NCOR2: variants seen among roughly 807,000 people sequenced by gnomAD.
NCOR2 encodes the protein nuclear receptor corepressor 2, also known as CTG repeat protein 26.
A neutral mutation model predicts 262.9 loss-of-function variants in NCOR2; 81 were observed. The observed-to-expected ratio is 0.31, with a 90% CI of 0.26 to 0.37. The LOEUF (loss-of-function observed/expected upper bound fraction) is 0.37, where lower values mean the gene tolerates loss of function less well. Ranked by LOEUF, NCOR2 falls within the 10% of genes least tolerant of loss-of-function variation. The pLI, the probability that NCOR2 is intolerant of heterozygous loss-of-function variation, is 1.00. For missense variants in NCOR2, 3,385 were observed against 3,621.4 expected (o/e 0.93, Z 1.68); for synonymous variants, 1,659 against 1,559.3 (o/e 1.06, Z -1.51).
intron 6 of NCOR2, among the ~76,000 whole-genome samples, chr12:124,452,436 C>T (rs1266440542): frequency 6.6e-6 from 1 of 152,218 alleles, no homozygotes; most frequent in East Asian, 1.9e-4. Flanking sequence ...TAGCTGTGAG[C>T]TTGGACAAGT....
chr12:124,475,739 TTC>T (rs1437724489), intron 3 of NCOR2, among the ~76,000 whole-genome samples: 2 of 152,226 alleles, frequency 1.3e-5, no homozygotes, highest in African/African-American at 4.8e-5. Flanking sequence ...GAAGTGGGAT[TTC>T]TGTTTGACGA....
At chr12:124,415,877 G>A (rs1203694010) in intron 13 of NCOR2, among the ~76,000 whole-genome samples, 3 of 152,040 alleles carry the variant, frequency 2.0e-5, no homozygotes, top group Admixed American at 2.0e-4. Flanking sequence ...CTCCTCCCCT[G>A]GTCTCACTGT....
rs771772331 is a variant in NCOR2, at chr12:124,406,862, T to C, written c.1483-4301A>G. Among the ~76,000 whole-genome samples the C allele has an allele frequency of 1.1e-3, 172 of 152,204 alleles. 1 individual carries two copies. The highest frequency in any genetic ancestry group is 2.1e-3 in the Non-Finnish European group (145 of 68,044). On this transcript the variant is annotated intron_variant, in intron 13 of 46. Transcript: ENST00000405201. The stretch of plus-strand genomic sequence containing the variant: ...TGTGCAGAAGCCCCAGACTGGGGGC[T>C]ATGCAGAAAAATATCTTAATTAAAA...
chr12:124,565,257 T>C (rs1246962977), intron 1 of NCOR2, among the ~76,000 whole-genome samples: 2 of 152,090 alleles, frequency 1.3e-5, no homozygotes, highest in Non-Finnish European at 2.9e-5. Flanking sequence ...CCCGCCCCCA[T>C]GTCTGGGCAC....
rs568608771 is a variant in NCOR2, at chr12:124,503,218, T to A, written c.-117-7850A>T. ...TGTGCAAACACTGTACAAGCACAGC[T>A]ACAGCAGTGACCAAGTCAGACAAAA... On this transcript the variant is annotated intron_variant, in intron 1 of 46. Coordinates refer to the NCOR2 transcript ENST00000404621. This position sits in a 1 kb window ranked among gnomAD's most constrained non-coding sequence, Gnocchi z 4.3. Among the ~76,000 whole-genome samples, 4 of 152,250 alleles carry A rather than the reference T, an allele frequency of 2.6e-5. No homozygotes were observed. The highest frequency in any genetic ancestry group is 9.6e-5 in the African/African-American group (4 of 41,470).
In NCOR2 at chr12:124,334,428, T is replaced by C. The variant is rs757808861; in HGVS notation, c.6601A>G (p.Lys2201Glu). Residue 2201 changes from lysine (K) to glutamate (E), a missense_variant, in exon 41 of 47, where the codon AAG becomes GAG. Lys to Glu is a moderately conservative substitution (Grantham distance 56). Transcript: ENST00000405201. Reference sequence around the variant, plus strand: ...GCACCCCCATCCCTCGCTCACCTCTTGCCCCCTTCGCTGTGGGGGGAGCCA... The same window carrying C: ...GCACCCCCATCCCTCGCTCACCTCTCGCCCCCTTCGCTGTGGGGGGAGCCA... 27 of 1,510,320 alleles carry C rather than the reference T, an allele frequency of 1.8e-5. 1 individual carries two copies. The highest frequency in any genetic ancestry group is 1.1e-4 in the South Asian group (9 of 79,230). The allele number at this position is 1,510,320 out of a possible 1,614,324, so 93.6% of individuals were successfully genotyped here.
chr12:124,470,149 G>A (rs974649675), intron 4 of NCOR2, among the ~76,000 whole-genome samples: 12 of 147,052 alleles, frequency 8.2e-5, no homozygotes, highest in African/African-American at 3.0e-4. Context: ...CTGGGCAACA[G>A]AGTGAGAATC....
At chr12:124,562,550 G>A (rs905867663) in intron 1 of NCOR2, among the ~76,000 whole-genome samples, 5 of 151,554 alleles carry the variant, frequency 3.3e-5, no homozygotes, top group African/African-American at 7.3e-5. Flanking sequence ...CCCACTCTCC[G>A]GGCTGCCCAT....
intron 1 of NCOR2, among the ~76,000 whole-genome samples, chr12:124,500,371 C>T (rs2048634369): frequency 6.6e-6 from 1 of 152,202 alleles, no homozygotes; most frequent in Non-Finnish European, 1.5e-5. Flanking sequence ...ACAAGTGCCC[C>T]CCGCCCCCAC....
exon 9 of NCOR2, chr12:124,430,727 G>C: frequency 6.2e-7 from 1 of 1,614,128 alleles, no homozygotes; most frequent in East Asian, 2.2e-5. Context: ...TTCTCGATGC[G>C]CTCCACCTTC....
chr12:124,477,843 T>C (rs889403702), intron 3 of NCOR2, among the ~76,000 whole-genome samples: 1 of 151,794 alleles, frequency 6.6e-6, no homozygotes, highest in African/African-American at 2.4e-5. Flanking sequence ...GGGTACCTCT[T>C]ACTCATCAGA....
chr12:124,398,047 C>G, intron 16 of NCOR2, 72 bp downstream of exon 18: 5 of 1,571,892 alleles, frequency 3.2e-6, no homozygotes, highest in Non-Finnish European at 4.4e-6. Context: ...TGTCAACACC[C>G]TCCCCAGCAC....
intron 18 of NCOR2, among the ~76,000 whole-genome samples, chr12:124,376,193 C>A (rs1395603329): frequency 6.6e-6 from 1 of 152,216 alleles, no homozygotes; most frequent in Non-Finnish European, 1.5e-5. Context: ...CGGAAGACCA[C>A]CACTGTCACA....
chr12:124,508,431 G>A (rs181519664), intron 1 of NCOR2, among the ~76,000 whole-genome samples: 58 of 152,332 alleles, frequency 3.8e-4, no homozygotes, highest in African/African-American at 1.3e-3. Context: ...GTCTACCTGG[G>A]ATCGGATGAT....
intron 26 of NCOR2, 56 bp from the exon 29 acceptor site, chr12:124,354,252 GC>G: frequency 2.0e-6 from 3 of 1,508,970 alleles, no homozygotes; most frequent in Admixed American, 3.9e-5. Context: ...CCTTCCCCAG[GC>G]CCCAGTCCTG....
intron 34 of NCOR2, among the ~76,000 whole-genome samples, chr12:124,341,332 T>G (rs1202714909): frequency 6.6e-6 from 1 of 152,014 alleles, no homozygotes; most frequent in Non-Finnish European, 1.5e-5. Flanking sequence ...CTCCACCTCC[T>G]GGGTTCAAGT....
chr12:124,341,662 C>A lies in NCOR2; in HGVS notation c.5188+161G>T, dbSNP rs371540396. On this transcript the variant is annotated intron_variant, in intron 34 of 46. Transcript: ENST00000405201. The stretch of plus-strand genomic sequence containing the variant: ...CTCACCTACCAGATGCCAACCAGCA[C>A]CCACAGCACGCACAACCCCAGGCCA... 1.8e-4 allele frequency among the ~76,000 whole-genome samples: 27 copies of A among 152,332 alleles called. 1 individual carries two copies. The South Asian group carries it at 5.4e-3, about 30-fold the overall frequency.
At chr12:124,475,872 T>C (rs921693068) in intron 3 of NCOR2, among the ~76,000 whole-genome samples, 1 of 152,124 alleles carries the variant, frequency 6.6e-6, no homozygotes, top group African/African-American at 2.4e-5. Context: ...GGCTGAGCCA[T>C]GTGGGGACTC....
At chr12:124,525,798 C>T (rs923885857) in intron 1 of NCOR2, among the ~76,000 whole-genome samples, 3 of 152,228 alleles carry the variant, frequency 2.0e-5, no homozygotes, top group Non-Finnish European at 2.9e-5. Context: ...TCTGGGTTCA[C>T]ATCCTAGCTC....
Sources: gnomAD v4.1 joint callset for allele counts (sites outside exome capture counted in the v4.1 genomes callset) on GRCh38, gnomAD v4.1.1 for gene constraint, Gnocchi (gnomAD v3.1) non-coding constraint, MANE v1.5 for transcripts, NCBI Gene and HGNC (gene_info 2026-07-23, HGNC 2026-07-21) for gene names.